SALL4: variants seen among roughly 807,000 people sequenced by gnomAD.
The protein encoded by SALL4 is sal-like protein 4.
In SALL4, 4 loss-of-function variants were observed where a neutral mutation model predicts 60.8. The observed-to-expected ratio is 0.07, with a 90% confidence interval of 0.03 to 0.15. The LOEUF (loss-of-function observed/expected upper bound fraction) is 0.15, where lower values mean the gene tolerates loss of function less well. SALL4 is among the 10% of genes least tolerant of loss of function. The probability of loss-of-function intolerance (pLI) is 1.00; values close to 1 mark genes in which losing one functional copy is unlikely to be tolerated. For missense variants in SALL4, 1,178 were observed against 1,394.7 expected, an observed-to-expected ratio of 0.84 and a Z score of 2.48; for synonymous variants, 580 against 574.9, an observed-to-expected ratio of 1.01 and a Z score of -0.13.
chr20:51,789,640 G>A (rs1312072169), intron 2 of SALL4, among the ~76,000 whole-genome samples: 1 of 152,104 alleles, frequency 6.6e-6, no homozygotes, highest in Admixed American at 6.6e-5. Flanking sequence ...TGGTCAAAAA[G>A]CAGTGGCCAC....
chr20:51,791,463 G>T lies in SALL4; in HGVS notation c.1020C>A (p.Gly340=). 1 of 1,614,170 alleles carries T rather than the reference G, an allele frequency of 6.2e-7. No homozygotes were observed. Among genetic ancestry groups the T allele is most frequent in the Non-Finnish European group, 8.5e-7 (1 of 1,180,012 alleles). Residue 340 remains glycine (G), a synonymous_variant, in exon 2 of 4, where the codon GGC becomes GGA. Transcript: ENST00000217086. This position sits in a 1 kb window ranked among gnomAD's most constrained non-coding sequence, Gnocchi z 4.6. ...AGAAAGGGCTCTGGAAGAGCACCGA[G>T]CCCGGGGCCTGAGGAAGCAAAGCGC... is the stretch of plus-strand genomic sequence containing the variant. ...LPSALLPQAP[G]SVLFQSPFST...
At chr20:51,785,224 C>G (rs374039758) in intron 3 of SALL4, among the ~76,000 whole-genome samples, 1 of 152,130 alleles carries the variant, frequency 6.6e-6, no homozygotes, top group Non-Finnish European at 1.5e-5. Context: ...TCGCTTGAAC[C>G]TGGGAGGCGG....
chr20:51,786,395 GC>G (rs1191795941), intron 3 of SALL4, among the ~76,000 whole-genome samples: 2 of 151,278 alleles, frequency 1.3e-5, no homozygotes, highest in East Asian at 3.9e-4. Context: ...CACCTGGCCG[GC>G]TAATTTATTT....
intron 1 of SALL4, among the ~76,000 whole-genome samples, chr20:51,793,538 C>T (rs1030924689): frequency 1.3e-5 from 2 of 152,156 alleles, no homozygotes; most frequent in Non-Finnish European, 2.9e-5. Flanking sequence ...CTCACTGTAA[C>T]CTCCGCCTCC....
At position 51,788,492 on chromosome 20, in the gene SALL4, C is replaced by G. The variant is rs1470669816; in HGVS notation, c.2742+369G>C. ...GATCACGAGATCAGGAGATCGAGAC[C>G]ATCCTGGCTAACGCGGTGAAACCCC... On this transcript the variant is annotated intron_variant, in intron 3 of 3. Transcript: ENST00000217086. The surrounding 1 kb of genome is among the most constrained non-coding windows in gnomAD (Gnocchi z 4.1). 2.0e-5 allele frequency among the ~76,000 whole-genome samples: 3 copies of G among 152,064 alleles called. No homozygotes were observed. Among genetic ancestry groups the G allele is most frequent in the Non-Finnish European group, 4.4e-5 (3 of 68,010 alleles).
chr20:51,786,316 G>A (rs749459603), intron 3 of SALL4, among the ~76,000 whole-genome samples: 11 of 151,902 alleles, frequency 7.2e-5, no homozygotes, highest in Non-Finnish European at 1.3e-4. Flanking sequence ...GGATGGTCAG[G>A]ATCTCCTGAC....
chr20:51,792,189 T>G lies in SALL4; in HGVS notation c.294A>C (p.Pro98=), dbSNP rs1420748132. The G allele has an allele frequency of 2.5e-6, 4 of 1,613,950 alleles. No homozygotes were observed. In the African/African-American group the frequency reaches 5.3e-5, roughly 22 times the overall value. ...LEHKKNCTKN[P]PVLIMNDSEG... is the part of the protein sequence containing the mutation. ...CGCTGTCATTCATGATGAGGACAGG[T>G]GGATTTTTAGTGCAATTTTTCTTAT... is the stretch of plus-strand genomic sequence containing the variant. The change falls in exon 2 of 4, where the codon CCA becomes CCC. Residue 98 remains proline (P), a synonymous_variant. Transcript: ENST00000217086.
At chr20:51,796,233 A>C (rs1206256478) in intron 1 of SALL4, among the ~76,000 whole-genome samples, 6 of 148,548 alleles carry the variant, frequency 4.0e-5, no homozygotes, top group Non-Finnish European at 1.5e-5. Context: ...AAAGAAAAGA[A>C]AAGAAAAAAA....
chr20:51,787,517 C>T (rs1438854663), intron 3 of SALL4, among the ~76,000 whole-genome samples: 1 of 152,136 alleles, frequency 6.6e-6, no homozygotes, highest in African/African-American at 2.4e-5. Context: ...CTACAGAAGG[C>T]CATGGTGGGA....
In SALL4 at chr20:51,801,539, C is replaced by G. The variant is rs1250122552; in HGVS notation, c.130+740G>C. On this transcript the variant is annotated intron_variant, in intron 1 of 3. Transcript: ENST00000217086. This position sits in a 1 kb window ranked among gnomAD's most constrained non-coding sequence, Gnocchi z 5.2. ...TTAGGAAGTCGGAAATCAAAGATGG[C>G]TGGAGGTCAGGCCCCGAAAGGTTAG... 1 of 152,350 alleles carries G rather than the reference C, an allele frequency of 6.6e-6. No homozygotes were observed. Among genetic ancestry groups the G allele is most frequent in the Non-Finnish European group, 1.5e-5 (1 of 68,112 alleles). The allele number at this position is 152,350 out of a possible 1,614,324, so 9.4% of individuals were successfully genotyped here. A position where few individuals can be genotyped will look rare whatever the true frequency, so the allele number is the denominator to read the frequency against.
intron 1 of SALL4, among the ~76,000 whole-genome samples, chr20:51,800,387 T>C (rs998441136): frequency 1.3e-5 from 2 of 152,154 alleles, no homozygotes; most frequent in African/African-American, 4.8e-5. Flanking sequence ...TGGTGATCAA[T>C]AGCCAACTCC....
At chr20:51,800,377 T>C (rs2078102263) in intron 1 of SALL4, among the ~76,000 whole-genome samples, 1 of 152,196 alleles carries the variant, frequency 6.6e-6, no homozygotes, top group African/African-American at 2.4e-5. Context: ...GCGACAACCC[T>C]GGTGATCAAT....
In SALL4 at chr20:51,791,057, G is replaced by T; in HGVS notation, c.1426C>A (p.Pro476Thr). ...DEPSLSLDSK[P>T]VLVTTSVGLP... ...CCTACAGAGGTGGTTACAAGGACAG[G>T]TTTGCTGTCTAAAGAAAGACTCGGT... Residue 476 changes from proline (P) to threonine (T), a missense_variant, in exon 2 of 4, where the codon CCT (proline) becomes ACT (threonine). Pro to Thr is a conservative substitution (Grantham distance 38). Coordinates refer to ENST00000217086, the MANE Select transcript of SALL4 (RefSeq NM_020436.5). This position sits in a 1 kb window ranked among gnomAD's most constrained non-coding sequence, Gnocchi z 4.6. 6.2e-7 allele frequency: 1 copy of T among 1,614,144 alleles called. No homozygotes were observed. The highest frequency in any genetic ancestry group is 1.1e-5 in the South Asian group (1 of 91,084).
chr20:51,791,332 C>T lies in SALL4; in HGVS notation c.1151G>A (p.Cys384Tyr), dbSNP rs1306729077. 2 of 1,614,198 alleles carry T rather than the reference C, an allele frequency of 1.2e-6. No individual in the cohort carries two copies. Among genetic ancestry groups the T allele is most frequent in the South Asian group, 1.1e-5 (1 of 91,082 alleles). The change falls in exon 2 of 4, where the codon TGT (cysteine) becomes TAT (tyrosine). Residue 384 changes from cysteine (C) to tyrosine (Y), a missense_variant. Physicochemically the swap from Cys to Tyr is radical, Grantham distance 194. This residue lies in a region of SALL4 where 853 missense variants were observed against 1,036.8 expected (regional missense o/e 0.82). Transcript: ENST00000217086. This position sits in a 1 kb window ranked among gnomAD's most constrained non-coding sequence, Gnocchi z 4.6. ...CCCAAAAACCTTGCTACAGTACTTA[C>T]ACTTGTGCTTGTAGAGGGCCGCCTC... ...KDEAALYKHK[C>Y]KYCSKVFGTD...
At chr20:51,789,566 C>T (rs1038928219) in intron 2 of SALL4, among the ~76,000 whole-genome samples, 1 of 152,086 alleles carries the variant, frequency 6.6e-6, no homozygotes, top group East Asian at 1.9e-4. Context: ...TCAAGAGTGG[C>T]TAATTTGTGA....
chr20:51,794,324 T>G (rs905123591), intron 1 of SALL4, among the ~76,000 whole-genome samples: 1 of 152,210 alleles, frequency 6.6e-6, no homozygotes, highest in East Asian at 1.9e-4. Flanking sequence ...ACACCTGTGA[T>G]CCCAGCACTT....
intron 1 of SALL4, among the ~76,000 whole-genome samples, chr20:51,798,502 T>C (rs1381925439): frequency 1.3e-5 from 2 of 152,138 alleles, no homozygotes; most frequent in Non-Finnish European, 2.9e-5. Context: ...GCAGTTCTTA[T>C]CTGGATTTAG....
rs1195881577 is a variant in SALL4, at chr20:51,791,683, T to C, written c.800A>G (p.Gln267Arg). 2 of 1,614,080 alleles carry C rather than the reference T, an allele frequency of 1.2e-6. No homozygotes were observed. The highest frequency in any genetic ancestry group is 2.7e-5 in the African/African-American group (2 of 74,952). Reference sequence around the variant, plus strand: ...GAGCAAAGCCACAGCTGCAGAAACCTGCTGAGACATGTGGCTGCCCAAGGT... The same window carrying C: ...GAGCAAAGCCACAGCTGCAGAAACCCGCTGAGACATGTGGCTGCCCAAGGT... Reference protein sequence around the residue: ...LKTLGSHMSQQVSAAVALLSQ... With the variant: ...LKTLGSHMSQRVSAAVALLSQ... Residue 267 changes from glutamine (Q) to arginine (R), a missense_variant, in exon 2 of 4, where the codon CAG becomes CGG. This residue lies in a region of SALL4 where 853 missense variants were observed against 1,036.8 expected (regional missense o/e 0.82). Transcript: ENST00000217086. This position sits in a 1 kb window ranked among gnomAD's most constrained non-coding sequence, Gnocchi z 4.6.
chr20:51,798,879 A>AC (rs56380686), intron 1 of SALL4, among the ~76,000 whole-genome samples: 1 of 151,126 alleles, frequency 6.6e-6, no homozygotes, highest in Non-Finnish European at 1.5e-5. Flanking sequence ...ACAAAACAAA[A>AC]AAAACAGTTC....
Sources: allele counts gnomAD v4.1 joint callset (sites outside exome capture counted in the v4.1 genomes callset), GRCh38; gene constraint gnomAD v4.1.1; regional missense constraint gnomAD v4.1.1; non-coding constraint Gnocchi (gnomAD v3.1); transcripts MANE v1.5; gene names NCBI Gene and HGNC (gene_info 2026-07-23, HGNC 2026-07-21).